DPY30: variants seen among roughly 807,000 people sequenced by gnomAD.
DPY30 encodes protein dpy-30 homolog.
A neutral mutation model predicts 16.2 loss-of-function variants in DPY30; 6 were observed. The observed-to-expected ratio is 0.37, with a 90% CI of 0.20 to 0.73. The LOEUF (loss-of-function observed/expected upper bound fraction) is 0.73, where lower values mean the gene tolerates loss of function less well. DPY30 is among the 30% of genes least tolerant of loss of function. DPY30 has a pLI of 0.51. For synonymous variants in DPY30, 39 were observed against 38.8 expected (o/e 1.00, Z -0.02); for missense variants, 73 against 113.1 (o/e 0.65, Z 1.61).
chr2:32,025,231 G>A (rs992487523), intron 4 of DPY30, among the ~76,000 whole-genome samples: 22 of 151,950 alleles, frequency 1.4e-4, no homozygotes, highest in Admixed American at 1.3e-4. Flanking sequence ...TTGGGAAGCC[G>A]AGGCGGGTGG....
At chr2:32,027,759 G>T (rs1194326344) in intron 4 of DPY30, among the ~76,000 whole-genome samples, 2 of 150,590 alleles carry the variant, frequency 1.3e-5, no homozygotes, top group African/African-American at 4.9e-5. Context: ...CTCCCGAGTA[G>T]CTGGGCCTAC....
Position 32,018,652 on chromosome 2 carries a change from G to A in DPY30, n.377+4770C>T, listed in dbSNP as rs57498247. Among the ~76,000 whole-genome samples, 1,469 of 151,270 alleles carry A rather than the reference G, an allele frequency of 9.7e-3. 22 individuals are homozygous for A. Among genetic ancestry groups the A allele is most frequent in the African/African-American group, 0.034 (1,388 of 41,196 alleles). ...TGAGGCAGGAGAATCACTTGAACCC[G>A]GGAGGTGGAGGTTGCAGAGAGCATG... On this transcript the variant is annotated intron_variant and non_coding_transcript_variant, in intron 5 of 5. Transcript: ENST00000414013.
intron 5 of DPY30, among the ~76,000 whole-genome samples, chr2:32,018,604 G>A (rs1387584416): frequency 1.3e-5 from 2 of 152,144 alleles, no homozygotes; most frequent in African/African-American, 2.4e-5. Flanking sequence ...ACACTCACCT[G>A]TAGTCCCAGC....
At chr2:32,037,960 T>G (rs978228913) in intron 3 of DPY30, among the ~76,000 whole-genome samples, 2 of 151,876 alleles carry the variant, frequency 1.3e-5, no homozygotes, top group Non-Finnish European at 2.9e-5. Context: ...AATATTAATA[T>G]TAATATTAGC....
chr2:32,012,349 C>G lies in DPY30; in HGVS notation n.378-297G>C, dbSNP rs539069836. Among the ~76,000 whole-genome samples, 209 of 149,816 alleles carry G rather than the reference C, an allele frequency of 1.4e-3. 2 individuals are homozygous for G. In the South Asian group the frequency reaches 0.018, roughly 13 times the overall value. Reference sequence around the variant, plus strand: ...ACTCAAATTTTACCCTCTCCACCAACTTGCACAAAACATAATATGCAACAA... The same window carrying G: ...ACTCAAATTTTACCCTCTCCACCAAGTTGCACAAAACATAATATGCAACAA... On this transcript the variant is annotated intron_variant and non_coding_transcript_variant, in intron 5 of 5. Coordinates refer to the DPY30 transcript ENST00000414013.
chr2:32,039,408 G>A lies in DPY30; in HGVS notation c.36+13C>T, dbSNP rs1675879849. Reference sequence around the variant, plus strand: ...CTGCACACCGCCACCCTGAATCCACGGCCTCCTGATACCTGCGTTTGTCCC... The same window carrying A: ...CTGCACACCGCCACCCTGAATCCACAGCCTCCTGATACCTGCGTTTGTCCC... On this transcript the variant is annotated intron_variant, in intron 2 of 4. Coordinates refer to ENST00000342166, the MANE Select transcript of DPY30 (RefSeq NM_001321209.2). 6.2e-7 allele frequency: 1 copy of A among 1,614,022 alleles called. No individual in the cohort carries two copies. Among genetic ancestry groups the A allele is most frequent in the African/African-American group, 1.3e-5 (1 of 75,006 alleles).
intron 4 of DPY30, among the ~76,000 whole-genome samples, chr2:32,028,941 G>A (rs1238087886): frequency 6.6e-6 from 1 of 151,858 alleles, no homozygotes; most frequent in East Asian, 1.9e-4. Flanking sequence ...TCCAGCCAGG[G>A]AGACATAGCA....
downstream of DPY30, among the ~76,000 whole-genome samples, chr2:32,019,180 G>A (rs1207327989): frequency 6.6e-6 from 1 of 152,078 alleles, no homozygotes; most frequent in African/African-American, 2.4e-5. Flanking sequence ...TACAACCTCT[G>A]CTTCTGGGTT....
chr2:32,019,883 T>C (rs1196381330), downstream of DPY30, among the ~76,000 whole-genome samples: 1 of 146,970 alleles, frequency 6.8e-6, no homozygotes, highest in Non-Finnish European at 1.5e-5. Flanking sequence ...TGTATATATA[T>C]ATGTATATGT....
At chr2:32,030,404 G>A (rs1675489324) in intron 3 of DPY30, among the ~76,000 whole-genome samples, 1 of 152,102 alleles carries the variant, frequency 6.6e-6, no homozygotes, top group Non-Finnish European at 1.5e-5. Flanking sequence ...GCCGAGGCGG[G>A]CAGATCACGA....
In DPY30 at chr2:32,029,582, C is replaced by A; in HGVS notation, c.227+12G>T. The A allele has an allele frequency of 6.2e-7, 1 of 1,611,134 alleles. No individual in the cohort carries two copies. On this transcript the variant is annotated intron_variant, in intron 4 of 4. Coordinates refer to ENST00000342166, the MANE Select transcript of DPY30 (RefSeq NM_001321209.2). ...TCTTTACTAACTCCATTTGTGGACA[C>A]AATTATCTTACCTTTCCTTTGCAAG...
At chr2:32,026,871 A>G (rs1675350817) in intron 4 of DPY30, among the ~76,000 whole-genome samples, 1 of 151,744 alleles carries the variant, frequency 6.6e-6, no homozygotes, top group African/African-American at 2.4e-5. Context: ...AGTCTTCCCT[A>G]GAGGAAAAAC....
intron 5 of DPY30, among the ~76,000 whole-genome samples, chr2:32,013,601 T>C (rs960659488): frequency 6.6e-6 from 1 of 152,260 alleles, no homozygotes. Context: ...TATCAATAAT[T>C]TCCATTATAT....
At chr2:32,012,383 T>C in intron 5 of DPY30, among the ~76,000 whole-genome samples, 1 of 147,548 alleles carries the variant, frequency 6.8e-6, no homozygotes, top group South Asian at 2.1e-4. Flanking sequence ...AAAAAAAAAA[T>C]GGACATACCA....
chr2:32,028,650 A>C (rs1044483260), intron 4 of DPY30, among the ~76,000 whole-genome samples: 1 of 152,042 alleles, frequency 6.6e-6, no homozygotes, highest in African/African-American at 2.4e-5. Context: ...AAAATACAAA[A>C]ACTAGCCGGG....
At chr2:32,027,871 G>GC (rs1345065593) in intron 4 of DPY30, among the ~76,000 whole-genome samples, 1 of 151,794 alleles carries the variant, frequency 6.6e-6, no homozygotes. Context: ...CTCATGATCT[G>GC]CCCGCCTCGG....
chr2:32,039,567 CCCCCGA>C, intron 1 of DPY30, 75 bp from the exon 2 acceptor site: 1 of 1,442,398 alleles, frequency 6.9e-7, no homozygotes, highest in Non-Finnish European at 9.5e-7. Flanking sequence ...TGCAGCCCAG[CCCCCGA>C]CCCCGCCCCT....
chr2:32,020,983 AAT>A, downstream of DPY30: 1 of 152,216 alleles, frequency 6.6e-6, no homozygotes, highest in Non-Finnish European at 1.5e-5. Flanking sequence ...AAAAAAAAAA[AAT>A]TGGCCGGGCA....
chr2:32,017,563 C>T (rs538577891), intron 5 of DPY30, among the ~76,000 whole-genome samples: 14 of 149,648 alleles, frequency 9.4e-5, no homozygotes, highest in Non-Finnish European at 1.6e-4. Flanking sequence ...TGCAGTGAGT[C>T]GAGATAGTGC....
Sources: allele counts gnomAD v4.1 joint callset (sites outside exome capture counted in the v4.1 genomes callset), GRCh38; gene constraint gnomAD v4.1.1; transcripts MANE v1.5; gene names NCBI Gene and HGNC (gene_info 2026-07-23, HGNC 2026-07-21).